PRKCQ: variants seen among roughly 807,000 people sequenced by gnomAD.
The protein encoded by PRKCQ is protein kinase C theta type.
In PRKCQ, 41 loss-of-function variants were observed where a neutral mutation model predicts 91.2. The observed-to-expected ratio is 0.45, with a 90% CI of 0.35 to 0.58. PRKCQ has a LOEUF of 0.58. Among genes scored for constraint, PRKCQ ranks in the 20% least tolerant of loss-of-function variants. The probability of loss-of-function intolerance (pLI) is 0.00; values close to 1 mark genes in which losing one functional copy is unlikely to be tolerated. For synonymous variants in PRKCQ, 307 were observed against 316.9 expected, an observed-to-expected ratio of 0.97 and a Z score of 0.33; for missense variants, 673 against 896.5, an observed-to-expected ratio of 0.75 and a Z score of 3.18.
intron 1 of PRKCQ, among the ~76,000 whole-genome samples, chr10:6,531,784 A>C (rs1428243338): frequency 6.6e-6 from 1 of 152,132 alleles, no homozygotes; most frequent in Non-Finnish European, 1.5e-5. Context: ...ACAGGAAATA[A>C]ATCAGTTAGT....
chr10:6,445,927 C>T (rs1355147868), intron 15 of PRKCQ, among the ~76,000 whole-genome samples: 10 of 152,180 alleles, frequency 6.6e-5, no homozygotes, highest in Admixed American at 6.5e-4. Flanking sequence ...TAAACAACTT[C>T]GTTTTGGCAG....
intron 1 of PRKCQ, among the ~76,000 whole-genome samples, chr10:6,517,625 A>T (rs965409709): frequency 1.0e-4 from 8 of 79,964 alleles, no homozygotes; most frequent in Non-Finnish European, 1.4e-4. Flanking sequence ...TTTTTTTTAC[A>T]ACCTTTCCCA....
At chr10:6,467,437 G>GGGGA (rs1419390726) in intron 12 of PRKCQ, among the ~76,000 whole-genome samples, 1 of 134,494 alleles carries the variant, frequency 7.4e-6, no homozygotes, top group Non-Finnish European at 1.6e-5. Flanking sequence ...GAGAGATGGT[G>GGGGA]GGGAGGGAGG....
At chr10:6,494,546 G>GC (rs1564350295) in intron 7 of PRKCQ, among the ~76,000 whole-genome samples, 1 of 151,874 alleles carries the variant, frequency 6.6e-6, no homozygotes, top group African/African-American at 2.4e-5. Context: ...GTGAAGATCT[G>GC]CACGTGGGCC....
At chr10:6,573,573 A>G (rs1002391318) in intron 1 of PRKCQ, among the ~76,000 whole-genome samples, 19 of 152,166 alleles carry the variant, frequency 1.2e-4, no homozygotes, top group Admixed American at 8.5e-4. Context: ...AAGTCAATAC[A>G]TGTTAGAATA....
chr10:6,426,089 T>C (rs1323600019), downstream of PRKCQ, among the ~76,000 whole-genome samples: 1 of 152,174 alleles, frequency 6.6e-6, no homozygotes, highest in Non-Finnish European at 1.5e-5. Flanking sequence ...TTGGAAAGTG[T>C]TGCTCACTGA....
At chr10:6,459,968 A>G (rs772733008) in intron 14 of PRKCQ, among the ~76,000 whole-genome samples, 1 of 152,270 alleles carries the variant, frequency 6.6e-6, no homozygotes. Flanking sequence ...TCAGTTGCCA[A>G]ATTAAAAGTT....
the PRKCQ span, among the ~76,000 whole-genome samples, chr10:6,415,822 T>A: frequency 6.6e-6 from 1 of 151,304 alleles, no homozygotes; most frequent in Non-Finnish European, 1.5e-5. Flanking sequence ...CTTGGCTCAC[T>A]GCAACCTCCG....
At chr10:6,569,208 TAAGAGA>T (rs1840944582) in intron 1 of PRKCQ, among the ~76,000 whole-genome samples, 1 of 150,724 alleles carries the variant, frequency 6.6e-6, no homozygotes, top group Non-Finnish European at 1.5e-5. Flanking sequence ...ACAAAAAGAG[TAAGAGA>T]GAGTGTGGAT....
At chr10:6,420,662 T>C in the PRKCQ span, among the ~76,000 whole-genome samples, 2 of 152,244 alleles carry the variant, frequency 1.3e-5, no homozygotes, top group Admixed American at 6.5e-5. Flanking sequence ...TGGCTAGTTA[T>C]AGAATTGTAT....
intron 1 of PRKCQ, among the ~76,000 whole-genome samples, chr10:6,557,591 A>G (rs1448585093): frequency 1.3e-5 from 2 of 151,926 alleles, no homozygotes; most frequent in Non-Finnish European, 2.9e-5. Context: ...TTTCTGGTCA[A>G]TCTCATCTAT....
chr10:6,510,873 T>C, intron 3 of PRKCQ, 122 bp downstream of exon 3: 1 of 1,038,226 alleles, frequency 9.6e-7, no homozygotes, highest in Admixed American at 1.9e-5. Flanking sequence ...TAGGAAGTGG[T>C]AGGGAGCCTG....
intron 1 of PRKCQ, among the ~76,000 whole-genome samples, chr10:6,569,601 G>C (rs1475122947): frequency 6.6e-6 from 1 of 152,154 alleles, no homozygotes; most frequent in African/African-American, 2.4e-5. Flanking sequence ...CACCAACCCA[G>C]AAGAGAAACG....
intron 16 of PRKCQ, among the ~76,000 whole-genome samples, chr10:6,441,585 G>A (rs1833974563): frequency 6.6e-6 from 1 of 151,954 alleles, no homozygotes. Context: ...TGATTTTTAA[G>A]CCACACACTG....
At chr10:6,524,865 C>G (rs1031992142) in intron 1 of PRKCQ, among the ~76,000 whole-genome samples, 1 of 152,200 alleles carries the variant, frequency 6.6e-6, no homozygotes, top group African/African-American at 2.4e-5. Flanking sequence ...TGTGAGGTGC[C>G]TCCTGGCTGC....
the PRKCQ span, among the ~76,000 whole-genome samples, chr10:6,394,188 G>A: frequency 1.3e-5 from 2 of 152,186 alleles, no homozygotes; most frequent in African/African-American, 4.8e-5. Context: ...CTTATCTTTG[G>A]TGATAAGCAG....
chr10:6,548,877 TATAATA>T (rs944378383), intron 1 of PRKCQ, among the ~76,000 whole-genome samples: 8 of 151,966 alleles, frequency 5.3e-5, no homozygotes, highest in Admixed American at 5.2e-4. Flanking sequence ...AAACTTAAAG[TATAATA>T]ATAATAAAAT....
the PRKCQ span, among the ~76,000 whole-genome samples, chr10:6,416,216 A>G: frequency 1.7e-5 from 2 of 119,790 alleles, no homozygotes; most frequent in African/African-American, 2.8e-5. Flanking sequence ...AATTTAATTG[A>G]ATTTTTTATT....
At chr10:6,455,778 A>G (rs1386329977) in intron 15 of PRKCQ, among the ~76,000 whole-genome samples, 3 of 152,196 alleles carry the variant, frequency 2.0e-5, no homozygotes, top group African/African-American at 7.2e-5. Context: ...GCTACATGAG[A>G]TGTGACCACT....
Sources: allele counts gnomAD v4.1 joint callset (sites outside exome capture counted in the v4.1 genomes callset), GRCh38; gene constraint gnomAD v4.1.1; transcripts MANE v1.5; gene names NCBI Gene and HGNC (gene_info 2026-07-23, HGNC 2026-07-21).